Variants in DOCK9 observed in about 807,000 individuals in gnomAD.
The protein encoded by DOCK9 is dedicator of cytokinesis 9.
In DOCK9, 89 loss-of-function variants were observed where a neutral mutation model predicts 263.3. The ratio of observed to expected loss-of-function variants is 0.34; its 90% CI spans 0.28 to 0.40. The LOEUF is 0.40. DOCK9 is among the 10% of genes least tolerant of loss of function. The pLI is 1.00. For synonymous variants in DOCK9, 976 were observed against 973.1 expected (o/e 1.00, Z -0.06); for missense variants, 2,140 against 2,603.4 (o/e 0.82, Z 3.87).
chr13:98,898,284 T>A, intron 13 of DOCK9, 23 bp from the exon 14 acceptor site: 1 of 1,578,872 alleles, frequency 6.3e-7, no homozygotes, highest in East Asian at 2.2e-5. Flanking sequence ...AGAATAAAGC[T>A]ATGAGATACT....
intron 27 of DOCK9, among the ~76,000 whole-genome samples, chr13:98,877,068 A>T (rs2043972824): frequency 6.6e-6 from 1 of 152,228 alleles, no homozygotes. Context: ...GTTAAGTTCC[A>T]AAAACAAACC....
At chr13:99,076,349 G>C (rs2041910770) in intron 1 of DOCK9, among the ~76,000 whole-genome samples, 1 of 152,108 alleles carries the variant, frequency 6.6e-6, no homozygotes, top group Non-Finnish European at 1.5e-5. Context: ...ACACATTGGA[G>C]CTCTATGGAA....
intron 1 of DOCK9, among the ~76,000 whole-genome samples, chr13:98,972,020 T>A (rs1032772156): frequency 6.6e-6 from 1 of 152,216 alleles, no homozygotes; most frequent in Admixed American, 6.5e-5. Context: ...CTCAAGTGAA[T>A]ACGTTCATTT....
chr13:98,848,742 A>G, intron 36 of DOCK9, 103 bp from the exon 37 acceptor site: 1 of 1,201,340 alleles, frequency 8.3e-7, no homozygotes, highest in Non-Finnish European at 1.2e-6. Context: ...CATTATGTCT[A>G]GTACCAGCAT....
intron 37 of DOCK9, among the ~76,000 whole-genome samples, chr13:98,847,936 G>A (rs141061615): frequency 7.2e-4 from 110 of 152,328 alleles, no homozygotes; most frequent in African/African-American, 2.4e-3. Context: ...CGCCCCCAAA[G>A]AAGGCGTGTC....
chr13:98,942,244 T>TG (rs1320829402), intron 2 of DOCK9, among the ~76,000 whole-genome samples: 25 of 149,764 alleles, frequency 1.7e-4, no homozygotes, highest in Middle Eastern at 3.4e-3. Flanking sequence ...TGTTTTTTTT[T>TG]TTTGTTTTTT....
chr13:98,853,631 A>G lies in DOCK9; in HGVS notation c.3832-109T>C, dbSNP rs77712099. On this transcript the variant is annotated intron_variant, in intron 34 of 52. Transcript: ENST00000682017. ...CTTAGAATCAAGTCAGATCATACAC[A>G]TTGGAAGGTGCAAGTAACTTGCTGA... 3.9e-3 allele frequency: 3,145 copies of G among 801,420 alleles called. 74 individuals are homozygous for G. The African/African-American group carries it at 0.048, about 12-fold the overall frequency. The allele number at this position is 801,420 out of a possible 1,614,324, so 49.6% of individuals were successfully genotyped here.
intron 1 of DOCK9, among the ~76,000 whole-genome samples, chr13:98,963,307 T>C: frequency 6.6e-6 from 1 of 152,064 alleles, no homozygotes; most frequent in Non-Finnish European, 1.5e-5. Context: ...AAATTGAAAT[T>C]CCAGATCAAA....
chr13:99,070,016 T>C (rs1256058200), intron 1 of DOCK9, among the ~76,000 whole-genome samples: 2 of 151,862 alleles, frequency 1.3e-5, no homozygotes, highest in East Asian at 1.9e-4. Context: ...AAAGATAGAC[T>C]TTTTTTTTCT....
chr13:98,851,349 T>G (rs1566715792), intron 35 of DOCK9, among the ~76,000 whole-genome samples: 1 of 152,094 alleles, frequency 6.6e-6, no homozygotes, highest in Non-Finnish European at 1.5e-5. Context: ...CTTTAGGGGT[T>G]TCAAGTTTAG....
At chr13:98,826,429 A>G (rs905050143) in intron 44 of DOCK9, among the ~76,000 whole-genome samples, 3 of 152,204 alleles carry the variant, frequency 2.0e-5, no homozygotes, top group African/African-American at 7.2e-5. Context: ...TTCTTAGACA[A>G]TAAAGCCAGC....
chr13:98,919,335 C>T (rs1227515618), intron 7 of DOCK9, among the ~76,000 whole-genome samples: 1 of 152,092 alleles, frequency 6.6e-6, no homozygotes, highest in African/African-American at 2.4e-5. Flanking sequence ...GTCTTGAACT[C>T]CTGACCATCC....
At chr13:99,042,469 C>T (rs1398044951) in intron 1 of DOCK9, among the ~76,000 whole-genome samples, 2 of 152,192 alleles carry the variant, frequency 1.3e-5, no homozygotes, top group Non-Finnish European at 2.9e-5. Context: ...GTGAGTCCCA[C>T]GGTCTGCTTG....
intron 1 of DOCK9, among the ~76,000 whole-genome samples, chr13:99,013,326 G>C (rs1884834986): frequency 6.6e-6 from 1 of 152,102 alleles, no homozygotes; most frequent in Admixed American, 6.5e-5. Context: ...TGTTGTCCAG[G>C]CTGGTCTTGA....
intron 1 of DOCK9, among the ~76,000 whole-genome samples, chr13:98,999,984 GA>G (rs1359427353): frequency 6.6e-6 from 1 of 151,994 alleles, no homozygotes; most frequent in Non-Finnish European, 1.5e-5. Flanking sequence ...GTTAAAAAAA[GA>G]AAAAAAGAAG....
At chr13:98,852,821 A>T (rs1390884961) in intron 35 of DOCK9, among the ~76,000 whole-genome samples, 1 of 152,254 alleles carries the variant, frequency 6.6e-6, no homozygotes, top group Non-Finnish European at 1.5e-5. Context: ...CAGATAGAGC[A>T]TTCATAGTTC....
intron 9 of DOCK9, among the ~76,000 whole-genome samples, chr13:98,906,952 C>G (rs184486932): frequency 6.6e-5 from 10 of 152,204 alleles, no homozygotes; most frequent in African/African-American, 2.2e-4. Context: ...TTGATGCTAT[C>G]GATGGGAGCC....
At chr13:99,018,380 C>A (rs1885681081) in intron 1 of DOCK9, among the ~76,000 whole-genome samples, 1 of 152,200 alleles carries the variant, frequency 6.6e-6, no homozygotes, top group Middle Eastern at 3.2e-3. Flanking sequence ...GTATGAAGAC[C>A]CTTACCAGCT....
intron 48 of DOCK9, among the ~76,000 whole-genome samples, chr13:98,806,778 G>A (rs545064938): frequency 8.9e-4 from 136 of 152,046 alleles, no homozygotes; most frequent in Non-Finnish European, 1.6e-3. Context: ...GCGTGGTGGC[G>A]CGTTCCTGTA....
Sources: gnomAD v4.1 joint callset for allele counts (sites outside exome capture counted in the v4.1 genomes callset) on GRCh38, gnomAD v4.1.1 for gene constraint, MANE v1.5 for transcripts, NCBI Gene and HGNC (gene_info 2026-07-23, HGNC 2026-07-21) for gene names.